USP7: variants seen among roughly 807,000 people sequenced by gnomAD.
The protein encoded by USP7 is ubiquitin C-terminal hydrolase 7.
In USP7, 9 loss-of-function variants were observed where a neutral mutation model predicts 162.9. The ratio of observed to expected loss-of-function variants is 0.06; its 90% CI spans 0.03 to 0.10. USP7 has a LOEUF of 0.10. USP7 is among the 10% of genes least tolerant of loss of function. The probability of loss-of-function intolerance (pLI) is 1.00; values close to 1 mark genes in which losing one functional copy is unlikely to be tolerated. For synonymous variants in USP7, 562 were observed against 475.9 expected, an observed-to-expected ratio of 1.18 and a Z score of -2.35; for missense variants, 715 against 1,373.7, an observed-to-expected ratio of 0.52 and a Z score of 7.58.
intron 18 of USP7, 65 bp from the exon 19 acceptor site, chr16:8,901,299 AAAACAAACAAAC>A: frequency 8.9e-7 from 1 of 1,129,704 alleles, no homozygotes; most frequent in East Asian, 2.4e-5. Flanking sequence ...AAAAAACAAA[AAAACAAACAAAC>A]AAAAAAACGA....
At chr16:8,899,255 T>A in intron 22 of USP7, 67 bp from the exon 23 acceptor site, 1 of 1,510,158 alleles carries the variant, frequency 6.6e-7, no homozygotes, top group Non-Finnish European at 9.2e-7. Context: ...ACTTCATGCT[T>A]AATTACTTAA....
At chr16:8,937,848 T>C (rs1421771400) in intron 1 of USP7, among the ~76,000 whole-genome samples, 1 of 152,158 alleles carries the variant, frequency 6.6e-6, no homozygotes, top group Admixed American at 6.5e-5. Flanking sequence ...GACAAGAGAA[T>C]TGCTCAGGAG....
chr16:8,912,839 C>T (rs1261917081), intron 10 of USP7, among the ~76,000 whole-genome samples: 1 of 151,428 alleles, frequency 6.6e-6, no homozygotes, highest in Non-Finnish European at 1.5e-5. Flanking sequence ...CCAAGTCAAA[C>T]TTCTAAAAAT....
At chr16:8,907,372 T>C (rs763099581) in intron 12 of USP7, among the ~76,000 whole-genome samples, 34 of 152,194 alleles carry the variant, frequency 2.2e-4, no homozygotes, top group African/African-American at 8.0e-4. Flanking sequence ...TGTGAATGGG[T>C]GACCAAAGCC....
At chr16:8,896,789 G>A (rs1325275694) in intron 26 of USP7, among the ~76,000 whole-genome samples, 1 of 152,174 alleles carries the variant, frequency 6.6e-6, no homozygotes, top group Non-Finnish European at 1.5e-5. Context: ...GCGGCTTGAG[G>A]GTTACCCCTG....
At chr16:8,926,396 T>A (rs953571563) in intron 2 of USP7, among the ~76,000 whole-genome samples, 10 of 151,480 alleles carry the variant, frequency 6.6e-5, no homozygotes, top group African/African-American at 2.2e-4. Context: ...GGAGAATCGC[T>A]TGAACCTGGG....
rs1249944077 is a variant in USP7, at chr16:8,963,768, C to A, written c.-483G>T. On this transcript the variant is annotated 5_prime_UTR_variant, in exon 1 of 31. Coordinates refer to ENST00000344836, the MANE Select transcript of USP7 (RefSeq NM_003470.3). ...CCTGGGGCCGGCGGGAGCGGCGGAG[C>A]GGGCGGGCGACGGGCCGGCCGCGTT... Among the ~76,000 whole-genome samples the A allele has an allele frequency of 6.9e-6, 1 of 144,174 alleles. No individual in the cohort carries two copies. Among genetic ancestry groups the A allele is most frequent in the African/African-American group, 2.5e-5 (1 of 40,174 alleles). 94.6% of individuals were successfully genotyped at this position (144,174 alleles called of 152,430 possible).
At chr16:8,945,430 T>C (rs1212887467) in intron 1 of USP7, among the ~76,000 whole-genome samples, 1 of 151,950 alleles carries the variant, frequency 6.6e-6, no homozygotes, top group Non-Finnish European at 1.5e-5. Flanking sequence ...GTCCAGAGAG[T>C]AGCAAAGGAA....
Position 8,906,492 on chromosome 16 carries a change from C to A in USP7, c.1362G>T (p.Leu454=). ...CACCATGATTATCTCCACTATGAAC[C>A]AGGACTGCATGAAGAATATAATTTG... ...DPANYILHAV[L]VHSGDNHGGH... is the part of the protein sequence containing the mutation. Residue 454 remains leucine, a synonymous_variant, in exon 13 of 31, where the codon CTG becomes CTT. Transcript: ENST00000344836. 1.2e-6 allele frequency: 2 copies of A among 1,612,916 alleles called. No individual in the cohort carries two copies. The highest frequency in any genetic ancestry group is 1.7e-6 in the Non-Finnish European group (2 of 1,180,032).
At chr16:8,926,652 T>C (rs1898018310) in intron 2 of USP7, among the ~76,000 whole-genome samples, 1 of 152,178 alleles carries the variant, frequency 6.6e-6, no homozygotes, top group African/African-American at 2.4e-5. Context: ...CTATGTATTA[T>C]TTTTTTGCAA....
chr16:8,917,240 T>C, intron 6 of USP7, 84 bp from the exon 7 acceptor site: 1 of 1,441,724 alleles, frequency 6.9e-7, no homozygotes. Context: ...TCTTCATGTT[T>C]AAAAAAATCA....
chr16:8,923,133 T>TTAAATCTAATTTAAA (rs1172372799), intron 3 of USP7, 82 bp downstream of exon 3: 11 of 819,638 alleles, frequency 1.3e-5, no homozygotes, highest in Non-Finnish European at 1.6e-5. Context: ...ATCAAAAGGC[T>TTAAATCTAATTTAAA]ATGTAGAGGC....
chr16:8,905,467 T>C (rs2061845278), intron 13 of USP7, 136 bp from the exon 14 acceptor site: 2 of 1,067,694 alleles, frequency 1.9e-6, no homozygotes, highest in African/African-American at 3.1e-5. Context: ...TGTGTTCTTA[T>C]ACAGGCACAC....
At chr16:8,902,012 G>A in intron 18 of USP7, 70 bp downstream of exon 18, 2 of 1,324,916 alleles carry the variant, frequency 1.5e-6, no homozygotes, top group South Asian at 1.2e-5. Context: ...AACCCTGTGT[G>A]TTTAGAACAA....
Position 8,899,701 on chromosome 16 carries a change from T to G in USP7, c.2366A>C (p.Asp789Ala), listed in dbSNP as rs778892813. 1 of 1,614,214 alleles carries G rather than the reference T, an allele frequency of 6.2e-7. No homozygotes were observed. The highest frequency in any genetic ancestry group is 1.1e-5 in the South Asian group (1 of 91,084). ...ELPTAKEYFR[D>A]LYHRVDVIFC... is the part of the protein sequence containing the mutation. ...AATGACATCAACGCGGTGGTAGAGA[T>G]CTCGGAAATACTCCTTTGCGGTGGG... is the stretch of plus-strand genomic sequence containing the variant. Residue 789 changes from aspartate (D) to alanine (A), a missense_variant, in exon 22 of 31, where the codon GAT (aspartate) becomes GCT (alanine). This residue lies in a region of USP7 where 222 missense variants were observed against 441.7 expected (regional missense o/e 0.50). Coordinates refer to ENST00000344836, the MANE Select transcript of USP7 (RefSeq NM_003470.3).
At chr16:8,898,471 G>A (rs753823616) in intron 24 of USP7, 34 bp from the exon 25 acceptor site, 41 of 1,605,976 alleles carry the variant, frequency 2.6e-5, no homozygotes, top group South Asian at 1.9e-4. Context: ...ATCAGATACC[G>A]TCACCAAAAC....
At chr16:8,946,055 ATTC>A (rs1899259438) in intron 1 of USP7, among the ~76,000 whole-genome samples, 1 of 152,194 alleles carries the variant, frequency 6.6e-6, no homozygotes, top group African/African-American at 2.4e-5. Flanking sequence ...TACAAAAGCA[ATTC>A]AACGGACAAA....
rs543904176 is a variant in USP7 at position 8,958,633 on chromosome 16, G to A, written c.79+4574C>T. 6.4e-4 allele frequency among the ~76,000 whole-genome samples: 98 copies of A among 152,216 alleles called. 2 individuals carry two copies. Among genetic ancestry groups the A allele is most frequent in the African/African-American group, 2.2e-3 (93 of 41,550 alleles). On this transcript the variant is annotated intron_variant, in intron 1 of 30. Transcript: ENST00000344836. ...GATAGAGACAGCAGAGTTCAAAGCC[G>A]ACTCCCAACGTCTGGACACTCAGGG...
At chr16:8,923,532 T>A (rs925421780) in intron 2 of USP7, 119 bp from the exon 3 acceptor site, 6 of 1,045,248 alleles carry the variant, frequency 5.7e-6, no homozygotes, top group Non-Finnish European at 8.2e-6. Flanking sequence ...ACCTAACAGT[T>A]TGAAAAAATT....
Sources: gnomAD v4.1 joint callset for allele counts (sites outside exome capture counted in the v4.1 genomes callset) on GRCh38, gnomAD v4.1.1 for gene constraint, gnomAD v4.1.1 regional missense constraint, MANE v1.5 for transcripts, NCBI Gene and HGNC (gene_info 2026-07-23, HGNC 2026-07-21) for gene names.